RAB12: variants seen among roughly 807,000 people sequenced by gnomAD.
RAB12 encodes the protein RAB12, member RAS oncogene family.
RAB12 carries 11 observed loss-of-function variants against 28.4 expected under a neutral mutation model. The observed-to-expected ratio is 0.39, with a 90% CI of 0.24 to 0.64. The LOEUF (loss-of-function observed/expected upper bound fraction) is 0.64, where lower values mean the gene tolerates loss of function less well. Ranked by LOEUF, RAB12 falls within the 30% of genes least tolerant of loss-of-function variation. The probability of loss-of-function intolerance (pLI) is 0.50; values close to 1 mark genes in which losing one functional copy is unlikely to be tolerated. For synonymous variants in RAB12, 138 were observed against 145.3 expected (o/e 0.95, Z 0.36); for missense variants, 276 against 351.1 (o/e 0.79, Z 1.71).
At chr18:8,627,239 G>T (rs2096013242) in intron 2 of RAB12, among the ~76,000 whole-genome samples, 2 of 152,216 alleles carry the variant, frequency 1.3e-5, no homozygotes, top group Non-Finnish European at 2.9e-5. Context: ...TCCATTGAGG[G>T]CATAGAAGGC....
At chr18:8,612,406 G>C (rs1209024849) in intron 1 of RAB12, among the ~76,000 whole-genome samples, 1 of 152,156 alleles carries the variant, frequency 6.6e-6, no homozygotes, top group East Asian at 1.9e-4. Flanking sequence ...TAGCTCCCGG[G>C]GTTCTTCCCA....
Position 8,609,653 on chromosome 18 carries a change from G to T in RAB12, c.214G>T (p.Ala72Ser). 1 of 786,932 alleles carries T rather than the reference G, an allele frequency of 1.3e-6. No individual in the cohort carries two copies. The highest frequency in any genetic ancestry group is 1.5e-6 in the Non-Finnish European group (1 of 651,692). 48.7% of individuals were successfully genotyped at this position (786,932 alleles called of 1,614,324 possible). A position where few individuals can be genotyped will look rare whatever the true frequency, so the allele number is the denominator to read the frequency against. ...CCCGCGCGCGGCGGAGGCCGAGGGG[G>T]CGCCGGGGCCCGGGGCGCGCAGCCG... Reference protein sequence around the residue: ...DPPRAAEAEGAPGPGARSRGA... With the variant: ...DPPRAAEAEGSPGPGARSRGA... Residue 72 changes from alanine to serine, a missense_variant, in exon 1 of 6, where the codon GCG (alanine) becomes TCG (serine). Around this residue, in one of 4 missense-constraint regions of RAB12, gnomAD observed 72 missense variants for 55.5 expected, o/e 1.30. Transcript: ENST00000649141.
At chr18:8,633,084 T>C in intron 2 of RAB12, 105 bp from the exon 3 acceptor site, 1 of 1,450,686 alleles carries the variant, frequency 6.9e-7, no homozygotes, top group Non-Finnish European at 9.6e-7. Flanking sequence ...ACTCTCGTTC[T>C]TTTTTCGCAG....
At chr18:8,620,522 G>A (rs561927628) in intron 1 of RAB12, among the ~76,000 whole-genome samples, 88 of 151,488 alleles carry the variant, frequency 5.8e-4, no homozygotes, top group Non-Finnish European at 1.0e-3. Context: ...GCACCCCTGC[G>A]TTCACTGCTT....
chr18:8,632,321 T>C (rs1002541821), intron 2 of RAB12, among the ~76,000 whole-genome samples: 1 of 150,570 alleles, frequency 6.6e-6, no homozygotes, highest in African/African-American at 2.4e-5. Flanking sequence ...GACTTATTGA[T>C]GTTTTTGTTT....
intron 2 of RAB12, among the ~76,000 whole-genome samples, chr18:8,629,343 G>C (rs1243761102): frequency 6.6e-6 from 1 of 152,212 alleles, no homozygotes; most frequent in Non-Finnish European, 1.5e-5. Flanking sequence ...GACTATTAGT[G>C]TGGTCTTTAA....
chr18:8,632,375 G>T (rs923680389), intron 2 of RAB12, among the ~76,000 whole-genome samples: 4 of 152,096 alleles, frequency 2.6e-5, no homozygotes, highest in African/African-American at 9.7e-5. Context: ...GACAGTAGTG[G>T]CTGTGCACGG....
intron 5 of RAB12, 45 bp from the exon 6 acceptor site, chr18:8,638,104 C>A: frequency 7.7e-7 from 1 of 1,306,394 alleles, no homozygotes. Context: ...GTATGTGTAC[C>A]TTGTAAAGTT....
Position 8,616,379 on chromosome 18 carries a change from T to TAA in RAB12, c.514+6446_514+6447dup, listed in dbSNP as rs373829340. Reference sequence around the variant, plus strand: ...TGTGCCCTTAATTGAGTGTGATTGTTAAAAAAAAAAAAAAAAAAAAACTTG... The same window carrying TAA: ...TGTGCCCTTAATTGAGTGTGATTGTTAAAAAAAAAAAAAAAAAAAAAAACTTG... On this transcript the variant is annotated intron_variant, in intron 1 of 5. Coordinates refer to ENST00000649141, the MANE Select transcript of RAB12 (RefSeq NM_001025300.3). 9.3e-3 allele frequency among the ~76,000 whole-genome samples: 1,129 copies of TAA among 121,398 alleles called. 10 individuals are homozygous for TAA. Among genetic ancestry groups the TAA allele is most frequent in the East Asian group, 0.034 (147 of 4,308 alleles). The allele number at this position is 121,398 out of a possible 152,430, so 79.6% of individuals were successfully genotyped here. A position where few individuals can be genotyped will look rare whatever the true frequency, so the allele number is the denominator to read the frequency against.
chr18:8,614,309 A>G (rs758147136), intron 1 of RAB12, among the ~76,000 whole-genome samples: 9 of 152,092 alleles, frequency 5.9e-5, no homozygotes, highest in Non-Finnish European at 1.0e-4. Context: ...ACTGCTTTTT[A>G]ATCTATATAT....
chr18:8,609,677 C>T lies in RAB12; in HGVS notation c.238C>T (p.Arg80Trp), dbSNP rs1361604466. The T allele has an allele frequency of 2.2e-6, 2 of 925,162 alleles. No individual in the cohort carries two copies. The highest frequency in any genetic ancestry group is 1.8e-5 in the African/African-American group (1 of 54,884). 57.3% of individuals were successfully genotyped at this position (925,162 alleles called of 1,614,324 possible). A position where few individuals can be genotyped will look rare whatever the true frequency, so the allele number is the denominator to read the frequency against. The change falls in exon 1 of 6, where the codon CGG becomes TGG. Residue 80 changes from arginine (R) to tryptophan (W), a missense_variant. By Grantham distance (101) the Arg-to-Trp change is moderately radical. Around this residue, in one of 4 missense-constraint regions of RAB12, gnomAD observed 72 missense variants for 55.5 expected, o/e 1.30. Coordinates refer to ENST00000649141, the MANE Select transcript of RAB12 (RefSeq NM_001025300.3). Reference protein sequence around the residue: ...EGAPGPGARSRGAGGGGRRAE... With the variant: ...EGAPGPGARSWGAGGGGRRAE... ...GGCGCCGGGGCCCGGGGCGCGCAGC[C>T]GGGGGGCGGGCGGCGGCGGGCGGCG...
intron 5 of RAB12, among the ~76,000 whole-genome samples, chr18:8,637,234 T>G (rs1451811313): frequency 6.6e-6 from 1 of 151,406 alleles, no homozygotes; most frequent in Non-Finnish European, 1.5e-5. Context: ...TATGATCGTA[T>G]CTACACTCCA....
intron 5 of RAB12, among the ~76,000 whole-genome samples, chr18:8,637,917 A>G (rs1171692012): frequency 1.3e-5 from 2 of 152,136 alleles, no homozygotes; most frequent in African/African-American, 4.8e-5. Flanking sequence ...TCATCTTCAC[A>G]TTGAGTAGGC....
intron 1 of RAB12, among the ~76,000 whole-genome samples, chr18:8,610,801 G>C (rs1266623050): frequency 6.6e-6 from 1 of 152,202 alleles, no homozygotes; most frequent in Non-Finnish European, 1.5e-5. Flanking sequence ...TTAAAATAAA[G>C]GGCAGTCACT....
chr18:8,624,449 A>G (rs1458775974), intron 1 of RAB12, among the ~76,000 whole-genome samples: 2 of 152,238 alleles, frequency 1.3e-5, no homozygotes, highest in African/African-American at 4.8e-5. Context: ...TGTTATGTTT[A>G]TATTTACCTA....
Position 8,609,968 on chromosome 18 carries a change from G to A in RAB12, c.514+15G>A. ...GTCCACCGTGGGTAAGGGCGCCACG[G>A]CGACCCTGGGCCGGGCCTCCTGGCG... is the stretch of plus-strand genomic sequence containing the variant. On this transcript the variant is annotated intron_variant, in intron 1 of 5. Transcript: ENST00000649141. The A allele has an allele frequency of 6.3e-7, 1 of 1,599,828 alleles. No homozygotes were observed. The highest frequency in any genetic ancestry group is 2.3e-5 in the East Asian group (1 of 44,040).
chr18:8,636,128 G>C lies in RAB12; in HGVS notation c.805-125G>C, dbSNP rs911306152. 1.0e-5 allele frequency: 7 copies of C among 674,550 alleles called. No individual in the cohort carries two copies. The East Asian group carries it at 2.0e-4, about 19-fold the overall frequency. The allele number at this position is 674,550 out of a possible 1,614,324, so 41.8% of individuals were successfully genotyped here. A position where few individuals can be genotyped will look rare whatever the true frequency, so the allele number is the denominator to read the frequency against. On this transcript the variant is annotated intron_variant, in intron 4 of 5. Transcript: ENST00000649141. Reference sequence around the variant, plus strand: ...CTACACTTGTGAACTTTATCTTTGAGCGTCAGTGGGACTTTCTACCCCTTA... The same window carrying C: ...CTACACTTGTGAACTTTATCTTTGACCGTCAGTGGGACTTTCTACCCCTTA...
rs1271222964 is a variant in RAB12, at chr18:8,609,714, AGCCGCATGCGTGTATGGATCCGGGC to A, written c.281_305del (p.His94ArgfsTer53). ...GGCGGCGGGCGGCGGGCCGAGCGGG[AGCCGCATGCGTGTATGGATCCGGGC>A]GCCGCGCTGCAGAGGCGGGCCGGGG... On this transcript the variant is annotated frameshift_variant, in exon 1 of 6. Coordinates refer to ENST00000649141, the MANE Select transcript of RAB12 (RefSeq NM_001025300.3). LOFTEE classifies it high-confidence loss of function. 9.3e-7 allele frequency: 1 copy of A among 1,078,894 alleles called. No homozygotes were observed. Among genetic ancestry groups the A allele is most frequent in the Non-Finnish European group, 1.1e-6 (1 of 890,270 alleles). 66.8% of individuals were successfully genotyped at this position (1,078,894 alleles called of 1,614,324 possible).
intron 1 of RAB12, among the ~76,000 whole-genome samples, chr18:8,619,927 TTGAGTTTGAGACCAGCC>T (rs1352797417): frequency 6.6e-6 from 1 of 151,934 alleles, no homozygotes; most frequent in Non-Finnish European, 1.5e-5. Context: ...GGAGGATCGC[TTGAGTTTGAGACCAGCC>T]TGGGCAACAT....
Sources: allele counts gnomAD v4.1 joint callset (sites outside exome capture counted in the v4.1 genomes callset), GRCh38; gene constraint gnomAD v4.1.1; regional missense constraint gnomAD v4.1.1; transcripts MANE v1.5; gene names NCBI Gene and HGNC (gene_info 2026-07-23, HGNC 2026-07-21).